Variants in MAN1A1 observed in about 807,000 individuals in gnomAD.
MAN1A1 encodes the protein mannosyl-oligosaccharide 1,2-alpha-mannosidase IA.
Under a neutral mutation model 70.8 loss-of-function variants are expected in MAN1A1, and 29 were observed. The ratio of observed to expected loss-of-function variants is 0.41; its 90% CI spans 0.31 to 0.56. MAN1A1 has a LOEUF of 0.56. MAN1A1 is among the 20% of genes least tolerant of loss of function. MAN1A1 has a pLI of 0.29. For missense variants in MAN1A1, 747 were observed against 841.3 expected (o/e 0.89, Z 1.39); for synonymous variants, 349 against 330.1 (o/e 1.06, Z -0.62).
intron 8 of MAN1A1, among the ~76,000 whole-genome samples, chr6:119,197,023 G>C (rs1270947154): frequency 1.3e-5 from 2 of 152,120 alleles, no homozygotes; most frequent in East Asian, 3.9e-4. Flanking sequence ...TAAAAGCAGA[G>C]GCAGGTCCAG....
chr6:119,215,929 T>C (rs1260256828), intron 6 of MAN1A1, among the ~76,000 whole-genome samples: 2 of 152,172 alleles, frequency 1.3e-5, no homozygotes, highest in Non-Finnish European at 2.9e-5. Context: ...GTGAAGAACA[T>C]GTAGAAGCAG....
chr6:119,261,270 C>T (rs1453483277), intron 5 of MAN1A1, among the ~76,000 whole-genome samples: 1 of 152,150 alleles, frequency 6.6e-6, no homozygotes, highest in Non-Finnish European at 1.5e-5. Context: ...TGAGCCACTG[C>T]GCCCCGCCTA....
chr6:119,282,094 A>G (rs560980571), intron 5 of MAN1A1, among the ~76,000 whole-genome samples: 6 of 152,128 alleles, frequency 3.9e-5, no homozygotes, highest in African/African-American at 1.4e-4. Flanking sequence ...AAACAAAACA[A>G]AACAACTGAA....
intron 5 of MAN1A1, among the ~76,000 whole-genome samples, chr6:119,277,412 T>G (rs1016601785): frequency 6.6e-6 from 1 of 152,202 alleles, no homozygotes; most frequent in Admixed American, 6.5e-5. Flanking sequence ...AAATGAAATC[T>G]TTAGAGGACT....
At chr6:119,232,677 A>ATG (rs1458862339) in intron 6 of MAN1A1, among the ~76,000 whole-genome samples, 2 of 120,238 alleles carry the variant, frequency 1.7e-5, no homozygotes, top group Non-Finnish European at 3.6e-5. Context: ...ATACACATAT[A>ATG]TATGTGTGTG....
rs561598361 is a variant in MAN1A1, at chr6:119,178,143, A to G, written c.*1676T>C. The G allele has an allele frequency of 1.3e-3, 192 of 152,246 alleles. No individual in the cohort carries two copies. Among genetic ancestry groups the G allele is most frequent in the African/African-American group, 3.8e-3 (157 of 41,582 alleles). 9.4% of individuals were successfully genotyped at this position (152,246 alleles called of 1,614,324 possible). ...TTTATTCTTTGACATACACCAATGTATGATATTGAAAAACAGAAAGCAGGT... is the reference window on the plus strand; with the variant it reads ...TTTATTCTTTGACATACACCAATGTGTGATATTGAAAAACAGAAAGCAGGT... On this transcript the variant is annotated 3_prime_UTR_variant, in exon 13 of 13. Transcript: ENST00000368468.
chr6:119,223,667 G>C (rs1158432194), intron 6 of MAN1A1, among the ~76,000 whole-genome samples: 1 of 152,032 alleles, frequency 6.6e-6, no homozygotes, highest in African/African-American at 2.4e-5. Flanking sequence ...ACGGGAGACA[G>C]GTTAAAAATT....
chr6:119,212,964 G>A (rs1582701447), intron 6 of MAN1A1, among the ~76,000 whole-genome samples: 1 of 152,124 alleles, frequency 6.6e-6, no homozygotes, highest in South Asian at 2.1e-4. Context: ...AACCCACCGG[G>A]AGAAAATGGT....
intron 5 of MAN1A1, among the ~76,000 whole-genome samples, chr6:119,284,974 G>A (rs1043704436): frequency 1.3e-5 from 2 of 151,982 alleles, no homozygotes; most frequent in South Asian, 2.1e-4. Flanking sequence ...GTTTATTTTG[G>A]CTCATGGTTC....
chr6:119,237,821 T>C (rs1774895530), intron 6 of MAN1A1, among the ~76,000 whole-genome samples: 1 of 152,120 alleles, frequency 6.6e-6, no homozygotes, highest in Non-Finnish European at 1.5e-5. Context: ...CAAGGTATGT[T>C]GACTAATGGC....
At chr6:119,248,184 A>G in intron 6 of MAN1A1, 76 bp downstream of exon 6, 1 of 928,390 alleles carries the variant, frequency 1.1e-6, no homozygotes, top group Non-Finnish European at 1.7e-6. Context: ...GTAATTATCT[A>G]TCTAATGTAT....
chr6:119,290,788 T>TGATG (rs1370900398), intron 4 of MAN1A1, 25 bp from the exon 5 acceptor site: 5 of 1,400,172 alleles, frequency 3.6e-6, no homozygotes, highest in Non-Finnish European at 5.1e-6. Context: ...AATTCAAACA[T>TGATG]GATGATAGTA....
At chr6:119,256,384 A>G (rs1228377442) in intron 5 of MAN1A1, among the ~76,000 whole-genome samples, 2 of 151,256 alleles carry the variant, frequency 1.3e-5, no homozygotes, top group Admixed American at 6.6e-5. Context: ...GTAAATGTTG[A>G]TAAATGAATG....
chr6:119,257,622 C>G (rs1375013358), intron 5 of MAN1A1, among the ~76,000 whole-genome samples: 1 of 152,056 alleles, frequency 6.6e-6, no homozygotes, highest in African/African-American at 2.4e-5. Flanking sequence ...CTTTTGTACA[C>G]ATAAATAAGT....
At chr6:119,293,902 C>T (rs926583650) in intron 4 of MAN1A1, among the ~76,000 whole-genome samples, 13 of 152,002 alleles carry the variant, frequency 8.6e-5, no homozygotes, top group Non-Finnish European at 1.6e-4. Context: ...TATTCTGAGT[C>T]TTGGTTTTGT....
Position 119,307,951 on chromosome 6 carries a change from A to G in MAN1A1, c.604-959T>C, listed in dbSNP as rs11759899. Among the ~76,000 whole-genome samples the G allele has an allele frequency of 5.9e-3, 892 of 152,044 alleles. 30 individuals are homozygous for G. The East Asian group carries it at 0.09, about 15-fold the overall frequency. Reference sequence around the variant, plus strand: ...TCATTTTATTAATAACAAAGTTTTCATATGTTCCTGAACACAACAATCAGC... The same window carrying G: ...TCATTTTATTAATAACAAAGTTTTCGTATGTTCCTGAACACAACAATCAGC... On this transcript the variant is annotated intron_variant, in intron 2 of 12. Transcript: ENST00000368468.
At chr6:119,227,564 A>G (rs1582714176) in intron 6 of MAN1A1, among the ~76,000 whole-genome samples, 1 of 152,128 alleles carries the variant, frequency 6.6e-6, no homozygotes, top group Admixed American at 6.5e-5. Context: ...TGCAGCCTTG[A>G]CCTCAAACAA....
At chr6:119,297,274 T>C (rs1393813047) in intron 4 of MAN1A1, among the ~76,000 whole-genome samples, 2 of 152,184 alleles carry the variant, frequency 1.3e-5, no homozygotes, top group African/African-American at 2.4e-5. Context: ...TATAAACAGA[T>C]GACACAATAC....
chr6:119,248,532 G>A (rs1039653534), intron 5 of MAN1A1, among the ~76,000 whole-genome samples, 178 bp from the exon 6 acceptor site: 5 of 152,114 alleles, frequency 3.3e-5, no homozygotes, highest in African/African-American at 1.2e-4. Flanking sequence ...ATGGTCCAGG[G>A]GCCATCATAC....
Sources: gnomAD v4.1 joint callset for allele counts (sites outside exome capture counted in the v4.1 genomes callset) on GRCh38, gnomAD v4.1.1 for gene constraint, MANE v1.5 for transcripts, NCBI Gene and HGNC (gene_info 2026-07-23, HGNC 2026-07-21) for gene names.